The following EPB41 variants were observed in gnomAD, a reference collection of about 807,000 sequenced individuals.
EPB41 encodes the protein protein 4.1.
In EPB41, 65 loss-of-function variants were observed where a neutral mutation model predicts 108.0. The ratio of observed to expected loss-of-function variants is 0.60; its 90% CI spans 0.49 to 0.74. EPB41 has a LOEUF of 0.74. Among genes scored for constraint, EPB41 ranks in the 30% least tolerant of loss-of-function variants. The pLI is 0.00. For missense variants in EPB41, 875 were observed against 1,037.0 expected (o/e 0.84, Z 2.15); for synonymous variants, 336 against 358.9 (o/e 0.94, Z 0.72).
intron 16 of EPB41, chr1:29,068,921 C>A: frequency 1.3e-6 from 1 of 759,512 alleles, no homozygotes; most frequent in Non-Finnish European, 1.8e-6. Context: ...AATTCACACC[C>A]ACAGCCTTTC....
intron 17 of EPB41, among the ~76,000 whole-genome samples, chr1:29,098,804 C>T (rs570974646): frequency 2.0e-5 from 3 of 151,726 alleles, no homozygotes; most frequent in East Asian, 4.0e-4. Context: ...AGTGCAGTGG[C>T]GTGATGATCT....
rs553371005 is a variant in EPB41 at position 29,055,828 on chromosome 1, T to C, written c.1845+2516T>C. 1.1e-3 allele frequency among the ~76,000 whole-genome samples: 162 copies of C among 144,256 alleles called. 2 individuals carry two copies. The highest frequency in any genetic ancestry group is 3.9e-3 in the African/African-American group (148 of 37,770). The allele number at this position is 144,256 out of a possible 152,430, so 94.6% of individuals were successfully genotyped here. A position where few individuals can be genotyped will look rare whatever the true frequency, so the allele number is the denominator to read the frequency against. ...CTGTAATCCCAGCTATTTGGGAGGC[T>C]GAGGCAGGAGAATCACTTGAACCTG... On this transcript the variant is annotated intron_variant, in intron 12 of 20. Coordinates refer to ENST00000343067, the MANE Select transcript of EPB41 (RefSeq NM_001376013.1).
chr1:28,987,646 A>G lies in EPB41; in HGVS notation c.209A>G (p.Lys70Arg), dbSNP rs1253375211. ...ACACATGAAGACTTGACCAAGAACA[A>G]GGAGCGGACATCAGAAAGCAGAGGA... ...TPTHEDLTKNKERTSESRGLS... is the reference protein window; with the variant it reads ...TPTHEDLTKNRERTSESRGLS... Residue 70 changes from lysine to arginine, a missense_variant, in exon 2 of 21, where the codon AAG becomes AGG. By Grantham distance (26) the Lys-to-Arg change is conservative. This residue lies in a region of EPB41 where 353 missense variants were observed against 393.2 expected (regional missense o/e 0.90). Transcript: ENST00000343067. 6.2e-7 allele frequency: 1 copy of G among 1,614,250 alleles called. No individual in the cohort carries two copies. Among genetic ancestry groups the G allele is most frequent in the Non-Finnish European group, 8.5e-7 (1 of 1,180,040 alleles).
intron 15 of EPB41, among the ~76,000 whole-genome samples, chr1:29,061,089 A>G (rs938852677): frequency 2.0e-5 from 3 of 152,062 alleles, no homozygotes; most frequent in African/African-American, 7.2e-5. Flanking sequence ...CCTCAAAGAG[A>G]TTAAGTAATT....
intron 1 of EPB41, among the ~76,000 whole-genome samples, chr1:28,919,618 T>C (rs758028624): frequency 8.6e-5 from 13 of 152,002 alleles, no homozygotes; most frequent in Non-Finnish European, 1.6e-4. Context: ...CATGCACGGC[T>C]AATTTTTGTA....
At chr1:28,906,331 G>C (rs1461951870) in intron 1 of EPB41, among the ~76,000 whole-genome samples, 1 of 152,198 alleles carries the variant, frequency 6.6e-6, no homozygotes, top group Non-Finnish European at 1.5e-5. Flanking sequence ...TGTCAAGTGA[G>C]GGTTGGGCCA....
In EPB41 at chr1:29,037,068, A is replaced by C. The variant is rs77369842; in HGVS notation, c.1463+1145A>C. Reference sequence around the variant, plus strand: ...ATTTGAAGCCCAATAGTACCCGATAATCAGAAGACAGAAGAAAGTATTTCC... The same window carrying C: ...ATTTGAAGCCCAATAGTACCCGATACTCAGAAGACAGAAGAAAGTATTTCC... On this transcript the variant is annotated intron_variant, in intron 10 of 20. Coordinates refer to ENST00000343067, the MANE Select transcript of EPB41 (RefSeq NM_001376013.1). 4.9e-3 allele frequency among the ~76,000 whole-genome samples: 743 copies of C among 151,872 alleles called. 6 individuals carry two copies. The highest frequency in any genetic ancestry group is 0.016 in the African/African-American group (680 of 41,410).
At chr1:28,921,353 T>C (rs1180243508) in intron 1 of EPB41, among the ~76,000 whole-genome samples, 1 of 152,210 alleles carries the variant, frequency 6.6e-6, no homozygotes, top group Non-Finnish European at 1.5e-5. Flanking sequence ...TCTATATGTA[T>C]TCAAGTGAAG....
At chr1:29,095,503 T>A (rs1662883600) in intron 16 of EPB41, among the ~76,000 whole-genome samples, 1 of 152,132 alleles carries the variant, frequency 6.6e-6, no homozygotes, top group South Asian at 2.1e-4. Context: ...CTCAAGAATA[T>A]GTTTTACCTG....
rs537330254 is a variant in EPB41, at chr1:29,017,938, C to A, written c.906-286C>A. 9.2e-5 allele frequency among the ~76,000 whole-genome samples: 14 copies of A among 152,206 alleles called. 1 individual carries two copies. The South Asian group carries it at 1.2e-3, about 14-fold the overall frequency. ...CATTACTTCCTTTAGACTTTTCCAA[C>A]CTTTCCTCTTTCTAAATGTGTCCAA... On this transcript the variant is annotated intron_variant, in intron 6 of 20. Transcript: ENST00000343067.
At chr1:28,918,350 C>A (rs1225418448) in intron 1 of EPB41, among the ~76,000 whole-genome samples, 1 of 152,158 alleles carries the variant, frequency 6.6e-6, no homozygotes, top group African/African-American at 2.4e-5. Context: ...CCACACCCAG[C>A]CAATGGCCTG....
intron 15 of EPB41, among the ~76,000 whole-genome samples, chr1:29,060,891 C>T (rs912795107): frequency 1.3e-5 from 2 of 151,804 alleles, no homozygotes; most frequent in Non-Finnish European, 2.9e-5. Context: ...GAAGGGAATT[C>T]AGAATGGACT....
intron 16 of EPB41, among the ~76,000 whole-genome samples, chr1:29,092,917 T>G (rs1573849837): frequency 6.6e-6 from 1 of 152,256 alleles, no homozygotes; most frequent in East Asian, 1.9e-4. Context: ...TATTCCATGG[T>G]ATATATATAC....
At chr1:28,933,669 A>G (rs1317834866) in intron 1 of EPB41, among the ~76,000 whole-genome samples, 1 of 152,196 alleles carries the variant, frequency 6.6e-6, no homozygotes, top group Non-Finnish European at 1.5e-5. Context: ...TTCATAGAGT[A>G]TCGGCCAGGT....
At chr1:29,046,318 G>A (rs1195082329) in intron 11 of EPB41, among the ~76,000 whole-genome samples, 1 of 151,864 alleles carries the variant, frequency 6.6e-6, no homozygotes, top group Admixed American at 6.6e-5. Flanking sequence ...TAGTAGAGAC[G>A]AGGTTTCACC....
rs2096813197 is a variant in EPB41, at chr1:29,033,260, T to C, written c.1365+15T>C. ...GGCCTGGAGAGGTACAGAATTTATA[T>C]TTCCTTCCTCCCAAACCAGACACAG... On this transcript the variant is annotated intron_variant, in intron 9 of 20. Coordinates refer to ENST00000343067, the MANE Select transcript of EPB41 (RefSeq NM_001376013.1). 4.3e-6 allele frequency: 7 copies of C among 1,613,334 alleles called. No individual in the cohort carries two copies. The Admixed American group carries it at 1.2e-4, about 27-fold the overall frequency.
At chr1:29,085,797 C>A (rs192841395) in intron 16 of EPB41, among the ~76,000 whole-genome samples, 1 of 152,252 alleles carries the variant, frequency 6.6e-6, no homozygotes, top group Non-Finnish European at 1.5e-5. Flanking sequence ...AGCAATCTGC[C>A]CGCCTCGTCC....
At chr1:29,003,865 C>T (rs765129212) in intron 4 of EPB41, among the ~76,000 whole-genome samples, 4 of 152,146 alleles carry the variant, frequency 2.6e-5, no homozygotes, top group Admixed American at 2.0e-4. Context: ...CAGGTTCCAG[C>T]GATTCTCACG....
rs1188229800 is a variant in EPB41, at chr1:29,107,799, C to T, written c.2314-1537C>T. ...CTGGGAGGCAGAGGTTGCAGTGAGCCGAGATCACACTATTGCACTCCAGCC... is the reference window on the plus strand; with the variant it reads ...CTGGGAGGCAGAGGTTGCAGTGAGCTGAGATCACACTATTGCACTCCAGCC... On this transcript the variant is annotated intron_variant, in intron 17 of 20. Transcript: ENST00000343067. Among the ~76,000 whole-genome samples, 2 of 128,392 alleles carry T rather than the reference C, an allele frequency of 1.6e-5. 1 individual carries two copies. The highest frequency in any genetic ancestry group is 4.5e-4 in the East Asian group (2 of 4,476). The allele number at this position is 128,392 out of a possible 152,430, so 84.2% of individuals were successfully genotyped here.
Sources: allele counts gnomAD v4.1 joint callset (sites outside exome capture counted in the v4.1 genomes callset), GRCh38; gene constraint gnomAD v4.1.1; regional missense constraint gnomAD v4.1.1; transcripts MANE v1.5; gene names NCBI Gene and HGNC (gene_info 2026-07-23, HGNC 2026-07-21).